The following KIF6 variants were observed in gnomAD, a reference collection of about 807,000 sequenced individuals.
KIF6 encodes the protein kinesin family member 6.
Under a neutral mutation model 112.7 loss-of-function variants are expected in KIF6, and 106 were observed. The observed-to-expected ratio is 0.94, with a 90% CI of 0.80 to 1.11. The LOEUF (loss-of-function observed/expected upper bound fraction) is 1.11, where lower values mean the gene tolerates loss of function less well. Among genes scored for constraint, KIF6 ranks in the 50% least tolerant of loss-of-function variants. KIF6 has a pLI of 0.00. For missense variants in KIF6, 929 were observed against 964.0 expected (o/e 0.96, Z 0.48); for synonymous variants, 339 against 339.9 (o/e 1.00, Z 0.03).
chr6:39,348,911 C>A (rs2113927163), intron 19 of KIF6, among the ~76,000 whole-genome samples: 1 of 152,326 alleles, frequency 6.6e-6, no homozygotes, highest in African/African-American at 2.4e-5. Flanking sequence ...GCGGCTCTGA[C>A]CGGGCACTGA....
chr6:39,500,882 C>CA (rs1317299067), intron 13 of KIF6, among the ~76,000 whole-genome samples: 1 of 151,926 alleles, frequency 6.6e-6, no homozygotes, highest in East Asian at 1.9e-4. Flanking sequence ...AGAAGGTAAG[C>CA]AGGTTCTGAG....
chr6:39,597,418 G>C (rs1782334140), intron 6 of KIF6, among the ~76,000 whole-genome samples: 1 of 152,194 alleles, frequency 6.6e-6, no homozygotes, highest in Admixed American at 6.5e-5. Flanking sequence ...ACAGTGTGGT[G>C]CTGGTGCTGG....
At chr6:39,583,713 A>AAG (rs1781437808) in intron 9 of KIF6, among the ~76,000 whole-genome samples, 3 of 88,680 alleles carry the variant, frequency 3.4e-5, no homozygotes, top group South Asian at 3.2e-4. Flanking sequence ...TTTTTTTTAC[A>AAG]GTGCAGATTA....
chr6:39,477,204 C>A (rs548777757), intron 13 of KIF6, among the ~76,000 whole-genome samples: 2 of 152,242 alleles, frequency 1.3e-5, no homozygotes, highest in East Asian at 3.9e-4. Flanking sequence ...AAAGTGAGAA[C>A]CCCCTGTGTT....
rs1158973207 is a variant in KIF6 at position 39,397,327 on chromosome 6, G to A, written c.1811-11655C>T. On this transcript the variant is annotated intron_variant, in intron 15 of 22. Coordinates refer to ENST00000287152, the MANE Select transcript of KIF6 (RefSeq NM_145027.6). The stretch of plus-strand genomic sequence containing the variant: ...TGGTGGTAATGGTTCTGTTTTCAGA[G>A]CCTGGGATGATTTCTATCCCCATCC... Among the ~76,000 whole-genome samples, 4 of 152,154 alleles carry A rather than the reference G, an allele frequency of 2.6e-5. No homozygotes were observed. The East Asian group carries it at 5.8e-4, about 22-fold the overall frequency.
At chr6:39,380,692 A>C (rs927957814) in intron 16 of KIF6, among the ~76,000 whole-genome samples, 2 of 152,106 alleles carry the variant, frequency 1.3e-5, no homozygotes, top group Non-Finnish European at 2.9e-5. Context: ...CTTGGTGTAA[A>C]TATTTCCAGC....
chr6:39,613,500 A>G (rs1413821005), intron 5 of KIF6, among the ~76,000 whole-genome samples, 182 bp from the exon 6 acceptor site: 3 of 152,198 alleles, frequency 2.0e-5, no homozygotes, highest in Non-Finnish European at 2.9e-5. Flanking sequence ...TCACAGTACT[A>G]TCAAATAGCT....
At chr6:39,368,583 G>A (rs1218899614) in intron 16 of KIF6, among the ~76,000 whole-genome samples, 1 of 152,196 alleles carries the variant, frequency 6.6e-6, no homozygotes, top group Non-Finnish European at 1.5e-5. Context: ...CAGTCTTAGT[G>A]TCTTCCCCTG....
intron 13 of KIF6, among the ~76,000 whole-genome samples, chr6:39,533,341 G>A (rs572048419): frequency 4.3e-4 from 66 of 152,314 alleles, no homozygotes; most frequent in African/African-American, 1.4e-3. Context: ...CTTAAAAAAC[G>A]GTGCACCAGG....
intron 10 of KIF6, among the ~76,000 whole-genome samples, chr6:39,550,875 A>C (rs1326058501): frequency 6.6e-6 from 1 of 152,240 alleles, no homozygotes; most frequent in Non-Finnish European, 1.5e-5. Flanking sequence ...ACCTGAGCAA[A>C]GATCGGGAAA....
At chr6:39,667,429 T>G (rs1786543534) in intron 3 of KIF6, among the ~76,000 whole-genome samples, 1 of 152,050 alleles carries the variant, frequency 6.6e-6, no homozygotes, top group Admixed American at 6.6e-5. Flanking sequence ...CCAGCACCAA[T>G]AGGATGGCAC....
intron 3 of KIF6, among the ~76,000 whole-genome samples, chr6:39,675,256 A>G (rs1180723467): frequency 6.6e-6 from 1 of 152,144 alleles, no homozygotes; most frequent in Non-Finnish European, 1.5e-5. Context: ...GGGTAATTTG[A>G]ATTGAAGATG....
chr6:39,564,018 A>C (rs1243629203), intron 10 of KIF6, among the ~76,000 whole-genome samples: 1 of 152,234 alleles, frequency 6.6e-6, no homozygotes, highest in Non-Finnish European at 1.5e-5. Context: ...AGTGGCACGC[A>C]GGAAAAAGAG....
chr6:39,396,294 C>A (rs1768264257), intron 15 of KIF6, among the ~76,000 whole-genome samples: 2 of 152,300 alleles, frequency 1.3e-5, no homozygotes, highest in South Asian at 4.1e-4. Context: ...TGGGCCAGGC[C>A]CACCATTGAA....
At chr6:39,627,607 G>T (rs974906180) in intron 5 of KIF6, among the ~76,000 whole-genome samples, 2 of 152,164 alleles carry the variant, frequency 1.3e-5, no homozygotes, top group Non-Finnish European at 2.9e-5. Context: ...GTAGGTGTTA[G>T]AAATGTGGTG....
At chr6:39,647,248 T>C (rs1371711929) in intron 3 of KIF6, among the ~76,000 whole-genome samples, 1 of 152,092 alleles carries the variant, frequency 6.6e-6, no homozygotes, top group Non-Finnish European at 1.5e-5. Flanking sequence ...GAGAAAAAAA[T>C]GTGAGGAGGC....
intron 10 of KIF6, among the ~76,000 whole-genome samples, chr6:39,573,521 G>A (rs924988133): frequency 7.2e-5 from 11 of 152,142 alleles, no homozygotes; most frequent in African/African-American, 2.4e-4. Flanking sequence ...GTGAACGAGT[G>A]CCAAATTTAC....
chr6:39,536,851 A>C (rs929780996), intron 13 of KIF6, among the ~76,000 whole-genome samples: 11 of 152,350 alleles, frequency 7.2e-5, no homozygotes, highest in African/African-American at 2.6e-4. Flanking sequence ...GCAGCACATC[A>C]AAAAGCTTAT....
intron 13 of KIF6, among the ~76,000 whole-genome samples, chr6:39,518,368 C>T (rs1322559175): frequency 5.9e-5 from 9 of 152,118 alleles, no homozygotes; most frequent in Non-Finnish European, 1.5e-5. Flanking sequence ...TAGAGTTACT[C>T]TGTGTTATTA....
Sources: gnomAD v4.1 joint callset for allele counts (sites outside exome capture counted in the v4.1 genomes callset) on GRCh38, gnomAD v4.1.1 for gene constraint, MANE v1.5 for transcripts, NCBI Gene and HGNC (gene_info 2026-07-23, HGNC 2026-07-21) for gene names.